Variants in ZCWPW2 observed in about 807,000 individuals in gnomAD.
ZCWPW2 encodes the protein zinc finger CW-type and PWWP domain containing 2, also known as zinc finger CW-type PWWP domain protein 2.
Under a neutral mutation model 46.6 loss-of-function variants are expected in ZCWPW2, and 45 were observed. That is an observed-to-expected ratio of 0.96 (90% confidence interval 0.76 to 1.24). The LOEUF is 1.24. ZCWPW2 is among the 50% of genes most tolerant of loss of function. The probability of loss-of-function intolerance (pLI) is 0.00; values close to 1 mark genes in which losing one functional copy is unlikely to be tolerated. For synonymous variants in ZCWPW2, 152 were observed against 137.1 expected (o/e 1.11, Z -0.76); for missense variants, 429 against 403.9 (o/e 1.06, Z -0.53).
At chr3:28,503,215 T>C (rs1467281436) in intron 6 of ZCWPW2, among the ~76,000 whole-genome samples, 1 of 152,182 alleles carries the variant, frequency 6.6e-6, no homozygotes, top group East Asian at 1.9e-4. Context: ...CCACAAAATG[T>C]GGCTGCCGTT....
chr3:28,380,263 C>T (rs1023127316), intron 1 of ZCWPW2, among the ~76,000 whole-genome samples: 1 of 152,092 alleles, frequency 6.6e-6, no homozygotes, highest in African/African-American at 2.4e-5. Context: ...GGATTACAGG[C>T]ATGAGCCACC....
chr3:28,473,895 G>A (rs1296326950), intron 4 of ZCWPW2, among the ~76,000 whole-genome samples: 3 of 152,132 alleles, frequency 2.0e-5, no homozygotes, highest in Admixed American at 2.0e-4. Flanking sequence ...GAGTGTCAGG[G>A]GGATGTGGAG....
chr3:28,506,773 C>T (rs535933333), intron 6 of ZCWPW2, among the ~76,000 whole-genome samples: 1 of 152,116 alleles, frequency 6.6e-6, no homozygotes, highest in Non-Finnish European at 1.5e-5. Flanking sequence ...TAGTGTACTA[C>T]CCAAGCTCCT....
chr3:28,429,309 A>G (rs2125756913), intron 3 of ZCWPW2, among the ~76,000 whole-genome samples: 1 of 152,260 alleles, frequency 6.6e-6, no homozygotes, highest in East Asian at 1.9e-4. Flanking sequence ...CTTGCCCTAG[A>G]GATTCTGTGG....
intron 2 of ZCWPW2, among the ~76,000 whole-genome samples, chr3:28,399,801 C>G (rs1695853358): frequency 6.6e-6 from 1 of 152,210 alleles, no homozygotes; most frequent in Non-Finnish European, 1.5e-5. Flanking sequence ...CCTAGACCTT[C>G]TGTCTGACAG....
chr3:28,492,390 A>G (rs1001916474), intron 6 of ZCWPW2, among the ~76,000 whole-genome samples: 5 of 152,130 alleles, frequency 3.3e-5, no homozygotes, highest in African/African-American at 1.2e-4. Flanking sequence ...CAGAAATTAG[A>G]ACAATAGAGA....
chr3:28,375,350 T>C lies in ZCWPW2; in HGVS notation c.-133-15148T>C, dbSNP rs114900558. On this transcript the variant is annotated intron_variant, in intron 1 of 9. Transcript: ENST00000383768. ...ATTGAGTTCATTTAGTCAGTGTTAT[T>C]ATTGATAAGTAAGGACTTAACTACT... Among the ~76,000 whole-genome samples the C allele has an allele frequency of 7.7e-3, 1,171 of 152,160 alleles. 15 individuals carry two copies. Among genetic ancestry groups the C allele is most frequent in the African/African-American group, 0.026 (1,083 of 41,544 alleles).
At chr3:28,364,598 A>G (rs2125696042) in intron 1 of ZCWPW2, among the ~76,000 whole-genome samples, 1 of 152,220 alleles carries the variant, frequency 6.6e-6, no homozygotes, top group East Asian at 1.9e-4. Flanking sequence ...CCTTTTCACC[A>G]CATCCATGCT....
chr3:28,459,048 G>A (rs528317648), intron 4 of ZCWPW2, among the ~76,000 whole-genome samples: 3 of 152,082 alleles, frequency 2.0e-5, no homozygotes, highest in African/African-American at 7.2e-5. Context: ...CTTGCTGGTC[G>A]TCACATTCTG....
intron 8 of ZCWPW2, among the ~76,000 whole-genome samples, chr3:28,516,699 G>T (rs760353888): frequency 1.3e-5 from 2 of 151,988 alleles, no homozygotes; most frequent in African/African-American, 4.8e-5. Flanking sequence ...TAAGTCAGTC[G>T]TTGTAGTCTT....
At chr3:28,473,578 C>T (rs1471207871) in intron 4 of ZCWPW2, among the ~76,000 whole-genome samples, 1 of 152,154 alleles carries the variant, frequency 6.6e-6, no homozygotes, top group African/African-American at 2.4e-5. Flanking sequence ...ATAATCTACA[C>T]TCTAATGTTT....
chr3:28,402,560 A>C (rs1022619114), intron 2 of ZCWPW2, among the ~76,000 whole-genome samples: 3 of 152,224 alleles, frequency 2.0e-5, no homozygotes, highest in Non-Finnish European at 2.9e-5. Context: ...CTATGAAGCC[A>C]GTATCACCCT....
chr3:28,388,419 A>G lies in ZCWPW2; in HGVS notation c.-133-2079A>G, dbSNP rs75350885. ...TAACAAGATCGTACTTTTGCCTAAT[A>G]TGATACAACTATGTTGCATACAACT... On this transcript the variant is annotated intron_variant, in intron 1 of 9. Transcript: ENST00000383768. Among the ~76,000 whole-genome samples the G allele has an allele frequency of 6.8e-3, 1,042 of 152,294 alleles. 10 individuals carry two copies. Among genetic ancestry groups the G allele is most frequent in the African/African-American group, 0.023 (945 of 41,566 alleles).
chr3:28,467,038 T>C (rs1698850438), intron 4 of ZCWPW2, among the ~76,000 whole-genome samples: 1 of 152,136 alleles, frequency 6.6e-6, no homozygotes, highest in Non-Finnish European at 1.5e-5. Context: ...ATGTCACTAG[T>C]TAAGGCAATA....
At chr3:28,394,213 C>T (rs536353742) in intron 2 of ZCWPW2, among the ~76,000 whole-genome samples, 12 of 151,896 alleles carry the variant, frequency 7.9e-5, no homozygotes, top group African/African-American at 2.9e-4. Context: ...ATAAACTTAA[C>T]CATGGAGATG....
chr3:28,401,451 C>T (rs1695930797), intron 2 of ZCWPW2, among the ~76,000 whole-genome samples: 1 of 152,008 alleles, frequency 6.6e-6, no homozygotes, highest in Non-Finnish European at 1.5e-5. Flanking sequence ...TACTAATAGA[C>T]CTAAGAAATG....
intron 1 of ZCWPW2, among the ~76,000 whole-genome samples, chr3:28,379,379 A>C (rs1360743849): frequency 6.6e-6 from 1 of 152,194 alleles, no homozygotes; most frequent in East Asian, 1.9e-4. Flanking sequence ...TTAAAAAGAC[A>C]GCCTTAAACA....
At chr3:28,378,571 T>A (rs893319359) in intron 1 of ZCWPW2, among the ~76,000 whole-genome samples, 1 of 152,118 alleles carries the variant, frequency 6.6e-6, no homozygotes, top group Admixed American at 6.5e-5. Flanking sequence ...GTTCAGATCA[T>A]TTAACTGACT....
At chr3:28,373,838 T>A (rs1196656331) in intron 1 of ZCWPW2, among the ~76,000 whole-genome samples, 1 of 152,018 alleles carries the variant, frequency 6.6e-6, no homozygotes, top group Non-Finnish European at 1.5e-5. Flanking sequence ...ATTAGATTTG[T>A]TTGTTTTTGT....
Sources: gnomAD v4.1 joint callset for allele counts (sites outside exome capture counted in the v4.1 genomes callset) on GRCh38, gnomAD v4.1.1 for gene constraint, MANE v1.5 for transcripts, NCBI Gene and HGNC (gene_info 2026-07-23, HGNC 2026-07-21) for gene names.